TRMT10B: variants seen among roughly 807,000 people sequenced by gnomAD.
TRMT10B encodes tRNA methyltransferase 10 homolog B.
TRMT10B carries 33 observed loss-of-function variants against 43.8 expected under a neutral mutation model. The observed-to-expected ratio is 0.75, with a 90% confidence interval of 0.57 to 1.01. The LOEUF is 1.01. Among genes scored for constraint, TRMT10B ranks in the 50% least tolerant of loss-of-function variants. TRMT10B has a pLI of 0.00. For missense variants in TRMT10B, 362 were observed against 369.8 expected, an observed-to-expected ratio of 0.98 and a Z score of 0.17; for synonymous variants, 137 against 130.6, an observed-to-expected ratio of 1.05 and a Z score of -0.34.
At chr9:37,772,738 C>A (rs1225439571) in intron 7 of TRMT10B, among the ~76,000 whole-genome samples, 1 of 152,100 alleles carries the variant, frequency 6.6e-6, no homozygotes, top group Non-Finnish European at 1.5e-5. Context: ...AATCCCAGCA[C>A]TTAGGGAGGC....
chr9:37,765,247 C>A (rs182666026), intron 4 of TRMT10B, among the ~76,000 whole-genome samples: 1 of 152,144 alleles, frequency 6.6e-6, no homozygotes, highest in Non-Finnish European at 1.5e-5. Flanking sequence ...TCCTTCCCCC[C>A]GTCCCCCGAC....
chr9:37,773,756 CCAGGGAGGCGGAGGTTG>C (rs1470913842), intron 7 of TRMT10B, among the ~76,000 whole-genome samples: 3 of 151,876 alleles, frequency 2.0e-5, no homozygotes, highest in Non-Finnish European at 2.9e-5. Context: ...ATCTCTTGAA[CCAGGGAGGCGGAGGTTG>C]CAGTGAGCCG....
At chr9:37,755,838 T>A (rs1159453892) in intron 1 of TRMT10B, among the ~76,000 whole-genome samples, 2 of 152,170 alleles carry the variant, frequency 1.3e-5, no homozygotes, top group Non-Finnish European at 2.9e-5. Flanking sequence ...AAACAAAAAA[T>A]AAACACTGCT....
At position 37,768,247 on chromosome 9, in the gene TRMT10B, A is replaced by T; in HGVS notation, c.573+19A>T. ...TTACCTGGTAAGTCTCTTTTTGCATATTATTTGAATTGTCATCTGAAAAGT... is the reference window on the plus strand; with the variant it reads ...TTACCTGGTAAGTCTCTTTTTGCATTTTATTTGAATTGTCATCTGAAAAGT... On this transcript the variant is annotated intron_variant, in intron 5 of 8. Transcript: ENST00000297994. The T allele has an allele frequency of 6.3e-7, 1 of 1,589,518 alleles. No individual in the cohort carries two copies. The highest frequency in any genetic ancestry group is 1.1e-5 in the South Asian group (1 of 87,206).
chr9:37,773,868 T>C (rs879056958), intron 7 of TRMT10B, among the ~76,000 whole-genome samples: 3 of 151,168 alleles, frequency 2.0e-5, no homozygotes, highest in Non-Finnish European at 2.9e-5. Flanking sequence ...GGAGGACTAC[T>C]TGAACCCAAG....
rs1827495996 is a variant in TRMT10B, at chr9:37,770,818, CCT to C, written c.720+82_720+83del. ...AGAGGCATGTGCCCTGTTATAGTCT[CCT>C]CTAGAGGGTCTAAGAACTCAGAGGG... On this transcript the variant is annotated intron_variant, in intron 7 of 8. Coordinates refer to ENST00000297994, the MANE Select transcript of TRMT10B (RefSeq NM_144964.4). The C allele has an allele frequency of 4.3e-5, 63 of 1,449,306 alleles. 1 individual carries two copies. In the South Asian group the frequency reaches 7.8e-4, roughly 18 times the overall value. 89.8% of individuals were successfully genotyped at this position (1,449,306 alleles called of 1,614,324 possible). A position where few individuals can be genotyped will look rare whatever the true frequency, so the allele number is the denominator to read the frequency against.
intron 8 of TRMT10B, among the ~76,000 whole-genome samples, chr9:37,777,257 A>G (rs982101620): frequency 1.5e-5 from 2 of 130,794 alleles, no homozygotes; most frequent in African/African-American, 5.9e-5. Context: ...TAGAATGCCC[A>G]GCTTTTAACC....
chr9:37,760,046 C>T (rs1179024912), intron 1 of TRMT10B, among the ~76,000 whole-genome samples: 34 of 152,162 alleles, frequency 2.2e-4, no homozygotes, highest in Non-Finnish European at 1.2e-4. Flanking sequence ...AAATAATAGG[C>T]CAGGTGCGGT....
chr9:37,775,612 C>G (rs1828053198), intron 7 of TRMT10B, among the ~76,000 whole-genome samples: 1 of 152,152 alleles, frequency 6.6e-6, no homozygotes, highest in African/African-American at 2.4e-5. Context: ...TCATTGCAGC[C>G]TTGATATATG....
At chr9:37,777,317 C>CT (rs1053981891) in intron 8 of TRMT10B, among the ~76,000 whole-genome samples, 11 of 144,518 alleles carry the variant, frequency 7.6e-5, no homozygotes, top group African/African-American at 2.6e-4. Context: ...TCAGGAGCAT[C>CT]TTGGCCCTTC....
rs1826664516 is a variant in TRMT10B, at chr9:37,763,709, A to G, written c.376A>G (p.Arg126Gly). The G allele has an allele frequency of 1.2e-6, 2 of 1,614,068 alleles. No homozygotes were observed. The highest frequency in any genetic ancestry group is 1.7e-6 in the Non-Finnish European group (2 of 1,180,026). The part of the protein sequence containing the change: ...KLLEAKHSGP[R>G]LCIDLSMTHY... Reference sequence around the variant, plus strand: ...TTTGGAAGCCAAACACTCAGGACCAAGACTATGTATCGATTTGAGTATGAC... The same window carrying G: ...TTTGGAAGCCAAACACTCAGGACCAGGACTATGTATCGATTTGAGTATGAC... The change falls in exon 4 of 9, where the codon AGA (arginine) becomes GGA (glycine). Residue 126 changes from arginine (R) to glycine (G), a missense_variant. Transcript: ENST00000297994.
At chr9:37,758,717 T>C (rs1032161247) in intron 1 of TRMT10B, among the ~76,000 whole-genome samples, 2 of 152,232 alleles carry the variant, frequency 1.3e-5, no homozygotes, top group African/African-American at 2.4e-5. Context: ...TGGACTTACC[T>C]TCCTACAATA....
intron 4 of TRMT10B, 23 bp from the exon 5 acceptor site, chr9:37,768,053 G>C: frequency 1.2e-5 from 20 of 1,611,960 alleles, no homozygotes; most frequent in Non-Finnish European, 1.7e-5. Flanking sequence ...TTTTTGCCCT[G>C]AGTTGTTCTT....
intron 4 of TRMT10B, among the ~76,000 whole-genome samples, chr9:37,767,857 C>T (rs181975527): frequency 4.6e-5 from 7 of 152,206 alleles, no homozygotes; most frequent in Non-Finnish European, 7.4e-5. Context: ...AGCAGGAGGG[C>T]GAATTCCGTT....
rs917489065 is a variant in TRMT10B, at chr9:37,763,156, A to C, written c.295+471A>C. Among the ~76,000 whole-genome samples, 55 of 143,138 alleles carry C rather than the reference A, an allele frequency of 3.8e-4. 2 individuals are homozygous for C. The highest frequency in any genetic ancestry group is 8.2e-4 in the African/African-American group (28 of 34,352). 93.9% of individuals were successfully genotyped at this position (143,138 alleles called of 152,430 possible). A position where few individuals can be genotyped will look rare whatever the true frequency, so the allele number is the denominator to read the frequency against. ...GAGACTCTGTCTCAAAAAAAAAAAA[A>C]AAAAAAAAACAAAAAAAAAAATTTA... On this transcript the variant is annotated intron_variant, in intron 3 of 8. Coordinates refer to ENST00000297994, the MANE Select transcript of TRMT10B (RefSeq NM_144964.4).
At chr9:37,773,526 T>C (rs1288492210) in intron 7 of TRMT10B, among the ~76,000 whole-genome samples, 2 of 152,096 alleles carry the variant, frequency 1.3e-5, no homozygotes, top group African/African-American at 2.4e-5. Flanking sequence ...TTTTCTTAGG[T>C]TTGAAATACT....
intron 8 of TRMT10B, 96 bp from the exon 9 acceptor site, chr9:37,777,505 A>T: frequency 1.0e-6 from 1 of 999,246 alleles, no homozygotes; most frequent in Non-Finnish European, 1.5e-6. Context: ...GGTGCAGAAT[A>T]GGTTTGTTGA....
intron 1 of TRMT10B, among the ~76,000 whole-genome samples, chr9:37,754,306 A>G (rs1376524423): frequency 2.0e-5 from 3 of 152,196 alleles, no homozygotes; most frequent in African/African-American, 7.2e-5. Flanking sequence ...GAATGAGGAG[A>G]GGAAGGTAGT....
intron 6 of TRMT10B, 117 bp from the exon 7 acceptor site, chr9:37,770,555 C>A: frequency 1.0e-6 from 1 of 974,900 alleles, no homozygotes; most frequent in Non-Finnish European, 1.5e-6. Context: ...GAGCAAGTTT[C>A]TTTTTGTTTT....
Sources: gnomAD v4.1 joint callset for allele counts (sites outside exome capture counted in the v4.1 genomes callset) on GRCh38, gnomAD v4.1.1 for gene constraint, MANE v1.5 for transcripts, NCBI Gene and HGNC (gene_info 2026-07-23, HGNC 2026-07-21) for gene names.